C4orf36: variants seen among roughly 807,000 people sequenced by gnomAD.
C4orf36 encodes chromosome 4 open reading frame 36, also known as uncharacterized protein C4orf36.
C4orf36 carries 11 observed loss-of-function variants against 12.2 expected under a neutral mutation model. That is an observed-to-expected ratio of 0.90 (90% CI 0.57 to 1.49). The LOEUF is 1.49. Among genes scored for constraint, C4orf36 ranks in the 40% most tolerant of loss-of-function variants. C4orf36 has a pLI of 0.00. For synonymous variants in C4orf36, 54 were observed against 51.3 expected (o/e 1.05, Z -0.22); for missense variants, 137 against 133.9 (o/e 1.02, Z -0.11).
Position 86,887,745 on chromosome 4 carries a change from A to G in C4orf36, c.*2+13T>C, listed in dbSNP as rs199506303. 1.2e-4 allele frequency: 200 copies of G among 1,614,164 alleles called. No homozygotes were observed. In the African/African-American group the frequency reaches 2.5e-3, roughly 20 times the overall value. ...ATGCAAGACACAGAGTACAGATTCAATCATGAACTGACTGTCATTTAGATG... is the reference window on the plus strand; with the variant it reads ...ATGCAAGACACAGAGTACAGATTCAGTCATGAACTGACTGTCATTTAGATG... On this transcript the variant is annotated intron_variant, in intron 4 of 4. Transcript: ENST00000295898.
chr4:86,905,096 G>C, the C4orf36 span, among the ~76,000 whole-genome samples: 1 of 151,900 alleles, frequency 6.6e-6, no homozygotes, highest in Non-Finnish European at 1.5e-5. Context: ...AATTAGGCTG[G>C]GCACAGTGGC....
chr4:86,885,828 T>C (rs1326915331), intron 4 of C4orf36, among the ~76,000 whole-genome samples: 1 of 152,222 alleles, frequency 6.6e-6, no homozygotes, highest in Non-Finnish European at 1.5e-5. Flanking sequence ...TGATATTGGC[T>C]GTGGGTTTGT....
At chr4:86,921,523 C>T in the C4orf36 span, among the ~76,000 whole-genome samples, 1 of 152,030 alleles carries the variant, frequency 6.6e-6, no homozygotes, top group Non-Finnish European at 1.5e-5. Context: ...TTTTTTCCCC[C>T]ATGATTTAAT....
the C4orf36 span, among the ~76,000 whole-genome samples, chr4:86,917,680 C>T: frequency 6.6e-6 from 1 of 152,034 alleles, no homozygotes; most frequent in South Asian, 2.1e-4. Context: ...TCATGTATCA[C>T]ATAAAAACAA....
At chr4:86,914,305 T>C in the C4orf36 span, 4 of 1,599,234 alleles carry the variant, frequency 2.5e-6, no homozygotes, top group Middle Eastern at 1.7e-4. Context: ...CGGTCGCTCT[T>C]GGGAGCCCAG....
chr4:86,913,825 CTTTTTTTTTTT>C, the C4orf36 span: 5 of 617,704 alleles, frequency 8.1e-6, no homozygotes, highest in Non-Finnish European at 1.3e-5. Context: ...TTTTCATCCA[CTTTTTTTTTTT>C]TTTTTTTTTT....
the C4orf36 span, among the ~76,000 whole-genome samples, chr4:86,930,980 T>C: frequency 6.6e-6 from 1 of 152,240 alleles, no homozygotes; most frequent in African/African-American, 2.4e-5. Context: ...CCTGGCTTTC[T>C]GTACATTTTC....
At chr4:86,891,923 C>G (rs1189846733) in intron 1 of C4orf36, 1 of 905,034 alleles carries the variant, frequency 1.1e-6, no homozygotes, top group Non-Finnish European at 1.4e-6. Flanking sequence ...CGACCAAAGG[C>G]TCTGCCTGCA....
chr4:86,877,130 C>T (rs1377081270), intron 4 of C4orf36, among the ~76,000 whole-genome samples: 1 of 152,122 alleles, frequency 6.6e-6, no homozygotes. Flanking sequence ...CAGTCCAAAA[C>T]ATATGTTGAT....
chr4:86,901,893 T>C, the C4orf36 span, among the ~76,000 whole-genome samples: 2 of 152,202 alleles, frequency 1.3e-5, no homozygotes, highest in East Asian at 1.9e-4. Context: ...TACATGTGAA[T>C]GTGACCTTGT....
At chr4:86,906,687 C>T in the C4orf36 span, among the ~76,000 whole-genome samples, 4 of 135,318 alleles carry the variant, frequency 3.0e-5, no homozygotes, top group African/African-American at 1.1e-4. Context: ...GTTGAGATCG[C>T]ATCGCTACAC....
At chr4:86,895,991 CAAT>C (rs1318589722), upstream of C4orf36, among the ~76,000 whole-genome samples, 10 of 152,316 alleles carry the variant, frequency 6.6e-5, no homozygotes, top group East Asian at 1.9e-3. Flanking sequence ...AACACAGAAA[CAAT>C]AATAGTGTGG....
chr4:86,913,226 G>A, the C4orf36 span: 5 of 520,292 alleles, frequency 9.6e-6, no homozygotes, highest in Non-Finnish European at 1.8e-5. Flanking sequence ...ACAGTTTGTT[G>A]TGCTGGATGG....
chr4:86,901,143 C>A, the C4orf36 span, among the ~76,000 whole-genome samples: 1 of 152,194 alleles, frequency 6.6e-6, no homozygotes. Context: ...TGCCACCACA[C>A]CCGGCTAATT....
At chr4:86,912,417 T>C in the C4orf36 span, among the ~76,000 whole-genome samples, 1 of 152,152 alleles carries the variant, frequency 6.6e-6, no homozygotes, top group Non-Finnish European at 1.5e-5. Context: ...AGCTAGTAAA[T>C]CCAAAACTGG....
the C4orf36 span, chr4:86,913,401 C>T: frequency 5.3e-6 from 4 of 752,094 alleles, no homozygotes; most frequent in Non-Finnish European, 7.2e-6. Context: ...TCGGGTGCAG[C>T]ATCTCCAACA....
the C4orf36 span, among the ~76,000 whole-genome samples, chr4:86,904,971 C>T: frequency 6.6e-6 from 1 of 152,070 alleles, no homozygotes; most frequent in East Asian, 1.9e-4. Flanking sequence ...TGCGGTAACT[C>T]ACGCCTGTAA....
At chr4:86,935,686 C>T in the C4orf36 span, 1 of 152,150 alleles carries the variant, frequency 6.6e-6, no homozygotes, top group Non-Finnish European at 1.5e-5. Context: ...GGGACCCTTC[C>T]CTGTGCCTGT....
the C4orf36 span, among the ~76,000 whole-genome samples, chr4:86,922,614 C>T: frequency 6.6e-6 from 1 of 152,144 alleles, no homozygotes; most frequent in African/African-American, 2.4e-5. Context: ...CTTCCTAGAT[C>T]TCCTTGTTGT....
Sources: allele counts gnomAD v4.1 joint callset (sites outside exome capture counted in the v4.1 genomes callset), GRCh38; gene constraint gnomAD v4.1.1; transcripts MANE v1.5; gene names NCBI Gene and HGNC (gene_info 2026-07-23, HGNC 2026-07-21).